GABBR2: variants seen among roughly 807,000 people sequenced by gnomAD.
GABBR2 encodes gamma-aminobutyric acid type B receptor subunit 2.
Under a neutral mutation model 105.6 loss-of-function variants are expected in GABBR2, and 23 were observed. The observed-to-expected ratio is 0.22, with a 90% CI of 0.16 to 0.31. The LOEUF (loss-of-function observed/expected upper bound fraction) is 0.31, where lower values mean the gene tolerates loss of function less well. Ranked by LOEUF, GABBR2 falls within the 10% of genes least tolerant of loss-of-function variation. GABBR2 has a pLI of 1.00. For missense variants in GABBR2, 734 were observed against 1,245.5 expected (o/e 0.59, Z 6.18); for synonymous variants, 478 against 499.7 (o/e 0.96, Z 0.58).
intron 1 of GABBR2, among the ~76,000 whole-genome samples, chr9:98,680,670 G>C (rs1419454128): frequency 6.6e-6 from 1 of 152,132 alleles, no homozygotes; most frequent in African/African-American, 2.4e-5. Flanking sequence ...GAATAAACAG[G>C]TGAGAACAGT....
chr9:98,312,886 A>G (rs766859974), intron 13 of GABBR2, among the ~76,000 whole-genome samples: 48 of 151,992 alleles, frequency 3.2e-4, no homozygotes, highest in Non-Finnish European at 3.5e-4. Flanking sequence ...AGTAGCTGGG[A>G]TTATAGGCGG....
At chr9:98,349,872 C>A (rs1427639412) in intron 13 of GABBR2, among the ~76,000 whole-genome samples, 1 of 152,110 alleles carries the variant, frequency 6.6e-6, no homozygotes, top group Non-Finnish European at 1.5e-5. Flanking sequence ...ATAAAGCCAT[C>A]TTGTCCTGGG....
At chr9:98,606,068 T>C (rs528415675) in intron 1 of GABBR2, among the ~76,000 whole-genome samples, 91 of 152,342 alleles carry the variant, frequency 6.0e-4, no homozygotes, top group African/African-American at 2.1e-3. Context: ...AATGATAGCT[T>C]CCAGCTTCAT....
intron 3 of GABBR2, among the ~76,000 whole-genome samples, chr9:98,532,693 C>T (rs567561592): frequency 9.8e-5 from 15 of 152,292 alleles, no homozygotes; most frequent in Non-Finnish European, 1.6e-4. Context: ...CTGAGCCCAT[C>T]CCACAGTGTC....
chr9:98,411,473 G>A (rs1164636755), intron 7 of GABBR2, among the ~76,000 whole-genome samples: 2 of 152,186 alleles, frequency 1.3e-5, no homozygotes, highest in African/African-American at 2.4e-5. Flanking sequence ...ATTATGAAAT[G>A]AGAATAGCCA....
chr9:98,584,491 G>A (rs1829043075), intron 1 of GABBR2, among the ~76,000 whole-genome samples: 1 of 152,058 alleles, frequency 6.6e-6, no homozygotes, highest in Admixed American at 6.5e-5. Context: ...ACTTGTCACA[G>A]AGAAATCACC....
intron 16 of GABBR2, among the ~76,000 whole-genome samples, chr9:98,300,679 G>C (rs181176858): frequency 6.6e-6 from 1 of 152,112 alleles, no homozygotes; most frequent in Non-Finnish European, 1.5e-5. Context: ...CCTCAGGAGC[G>C]GGCCTCATGA....
At chr9:98,602,753 C>A (rs1032757972) in intron 1 of GABBR2, among the ~76,000 whole-genome samples, 1 of 152,180 alleles carries the variant, frequency 6.6e-6, no homozygotes, top group Non-Finnish European at 1.5e-5. Flanking sequence ...CAAGTTCTCA[C>A]GGAGATGCTC....
At chr9:98,455,167 T>C (rs1208158965) in intron 6 of GABBR2, among the ~76,000 whole-genome samples, 2 of 152,210 alleles carry the variant, frequency 1.3e-5, no homozygotes, top group African/African-American at 2.4e-5. Context: ...GATTTTTTTT[T>C]CTCCCATTGA....
intron 13 of GABBR2, among the ~76,000 whole-genome samples, chr9:98,335,806 T>C (rs2131397926): frequency 6.6e-6 from 1 of 151,712 alleles, no homozygotes; most frequent in South Asian, 2.1e-4. Context: ...CTGTTGTCAG[T>C]GCTGACAAGA....
At chr9:98,361,423 G>A (rs547199972) in intron 13 of GABBR2, among the ~76,000 whole-genome samples, 1 of 152,260 alleles carries the variant, frequency 6.6e-6, no homozygotes, top group South Asian at 2.1e-4. Context: ...TCTCTCCCTA[G>A]CTCAGGGGCC....
At chr9:98,516,364 A>C (rs575226238) in intron 3 of GABBR2, 1 of 152,352 alleles carries the variant, frequency 6.6e-6, no homozygotes, top group Admixed American at 6.5e-5. Context: ...AGAGAGGCTG[A>C]GCTCAGACCA....
chr9:98,466,417 T>C (rs565610775), intron 6 of GABBR2, among the ~76,000 whole-genome samples: 36 of 152,224 alleles, frequency 2.4e-4, no homozygotes, highest in Non-Finnish European at 4.3e-4. Flanking sequence ...GGTAGTTACA[T>C]GGGTGCTCTC....
Position 98,648,094 on chromosome 9 carries a change from T to TGG in GABBR2, c.321+60322_321+60323insCC, listed in dbSNP as rs1291220240. Reference sequence around the variant, plus strand: ...TAATCATACAGGGTGTGTGTGTGTGTGTGTGTGTGTGTGTGTGTGTGTATA... The same window carrying TGG: ...TAATCATACAGGGTGTGTGTGTGTGTGGGTGTGTGTGTGTGTGTGTGTGTATA... On this transcript the variant is annotated intron_variant, in intron 1 of 18. Coordinates refer to ENST00000259455, the MANE Select transcript of GABBR2 (RefSeq NM_005458.8). 2.0e-4 allele frequency among the ~76,000 whole-genome samples: 17 copies of TGG among 85,318 alleles called. No homozygotes were observed. The East Asian group carries it at 4.6e-3, about 23-fold the overall frequency. 56.0% of individuals were successfully genotyped at this position (85,318 alleles called of 152,430 possible).
intron 9 of GABBR2, among the ~76,000 whole-genome samples, chr9:98,392,312 T>C (rs1225910923): frequency 6.6e-6 from 1 of 152,242 alleles, no homozygotes; most frequent in Non-Finnish European, 1.5e-5. Flanking sequence ...CTTGAATCTT[T>C]TCTTCAATTC....
Position 98,495,088 on chromosome 9 carries a change from G to A in GABBR2, c.732+1325C>T, listed in dbSNP as rs553277502. On this transcript the variant is annotated intron_variant, in intron 4 of 18. Transcript: ENST00000259455. ...CCAACACAGCCTGTGACACTGCAGGGGGGAGACCTGGCTCCAGCCACCTGG... is the reference window on the plus strand; with the variant it reads ...CCAACACAGCCTGTGACACTGCAGGAGGGAGACCTGGCTCCAGCCACCTGG... 3.5e-4 allele frequency among the ~76,000 whole-genome samples: 53 copies of A among 152,346 alleles called. No individual in the cohort carries two copies. In the South Asian group the frequency reaches 0.011, roughly 30 times the overall value.
At chr9:98,662,290 AG>A (rs1377967079) in intron 1 of GABBR2, among the ~76,000 whole-genome samples, 1 of 152,216 alleles carries the variant, frequency 6.6e-6, no homozygotes, top group Non-Finnish European at 1.5e-5. Flanking sequence ...CACCATGGCC[AG>A]CTGGAATGGA....
chr9:98,290,940 C>T (rs772414576), intron 18 of GABBR2, among the ~76,000 whole-genome samples, 191 bp from the exon 19 acceptor site: 1 of 152,174 alleles, frequency 6.6e-6, no homozygotes, highest in South Asian at 2.1e-4. Flanking sequence ...TATGTACCAG[C>T]TACTGCCCTG....
At chr9:98,602,268 T>C (rs185251461) in intron 1 of GABBR2, among the ~76,000 whole-genome samples, 4 of 151,650 alleles carry the variant, frequency 2.6e-5, no homozygotes, top group Non-Finnish European at 5.9e-5. Context: ...GGTCAGGAGT[T>C]TGAGACCAGC....
Sources: allele counts gnomAD v4.1 joint callset (sites outside exome capture counted in the v4.1 genomes callset), GRCh38; gene constraint gnomAD v4.1.1; transcripts MANE v1.5; gene names NCBI Gene and HGNC (gene_info 2026-07-23, HGNC 2026-07-21).